The following DIAPH3 variants were observed in gnomAD, a reference collection of about 807,000 sequenced individuals.
DIAPH3 encodes the protein protein diaphanous homolog 3.
In DIAPH3, 117 loss-of-function variants were observed where a neutral mutation model predicts 144.3. The ratio of observed to expected loss-of-function variants is 0.81; its 90% CI spans 0.70 to 0.95. The LOEUF (loss-of-function observed/expected upper bound fraction) is 0.95, where lower values mean the gene tolerates loss of function less well. Ranked by LOEUF, DIAPH3 falls within the 40% of genes least tolerant of loss-of-function variation. The pLI, the probability that DIAPH3 is intolerant of heterozygous loss-of-function variation, is 0.00. For missense variants in DIAPH3, 1,421 were observed against 1,412.7 expected (o/e 1.01, Z -0.09); for synonymous variants, 519 against 488.9 (o/e 1.06, Z -0.81).
intron 3 of DIAPH3, among the ~76,000 whole-genome samples, chr13:60,100,485 C>A (rs2058238068): frequency 6.6e-6 from 1 of 152,080 alleles, no homozygotes; most frequent in Non-Finnish European, 1.5e-5. Context: ...AAAAAAAAGA[C>A]ATGGGTGGGA....
rs1189636674 is a variant in DIAPH3 at position 59,880,995 on chromosome 13, AAAG to A, written c.2368-1530_2368-1528del. On this transcript the variant is annotated intron_variant, in intron 20 of 27. Transcript: ENST00000400324. ...ACAAGGACCAAAAAAAAAAAAAAAA[AAAG>A]AAGAAGAAGAAATATCATTAAGTTT... Among the ~76,000 whole-genome samples the A allele has an allele frequency of 2.0e-3, 305 of 150,680 alleles. 2 individuals are homozygous for A. Among genetic ancestry groups the A allele is most frequent in the Middle Eastern group, 3.4e-3 (1 of 294 alleles).
chr13:60,091,330 G>A (rs940031751), intron 4 of DIAPH3, among the ~76,000 whole-genome samples: 1 of 152,074 alleles, frequency 6.6e-6, no homozygotes, highest in African/African-American at 2.4e-5. Context: ...CATCTCTAGT[G>A]CCTAAAATGC....
intron 1 of DIAPH3, among the ~76,000 whole-genome samples, chr13:60,162,803 T>TCA (rs1459419844): frequency 1.7e-3 from 235 of 138,538 alleles, no homozygotes; most frequent in African/African-American, 5.6e-3. Context: ...TCTCTCTCTC[T>TCA]CTCTCTCACA....
chr13:59,687,602 A>G (rs1566180803), intron 27 of DIAPH3, among the ~76,000 whole-genome samples: 1 of 152,098 alleles, frequency 6.6e-6, no homozygotes, highest in Non-Finnish European at 1.5e-5. Context: ...AAAATCTGAC[A>G]TCTCCTCTTA....
chr13:60,073,090 C>T (rs1467215390), intron 4 of DIAPH3, among the ~76,000 whole-genome samples: 1 of 152,084 alleles, frequency 6.6e-6, no homozygotes, highest in Admixed American at 6.5e-5. Context: ...AGGCAGATCA[C>T]CTGAAGTCAG....
intron 21 of DIAPH3, among the ~76,000 whole-genome samples, chr13:59,865,275 A>C (rs1243939965): frequency 6.6e-6 from 1 of 152,158 alleles, no homozygotes; most frequent in South Asian, 2.1e-4. Flanking sequence ...AAAAAGGCAC[A>C]TTCTACTCCT....
chr13:59,673,114 G>T (rs2032465190), intron 27 of DIAPH3, among the ~76,000 whole-genome samples: 1 of 152,172 alleles, frequency 6.6e-6, no homozygotes, highest in African/African-American at 2.4e-5. Flanking sequence ...CGCAGGCTCT[G>T]TGCACACAAC....
intron 27 of DIAPH3, among the ~76,000 whole-genome samples, chr13:59,682,714 G>A (rs1431116184): frequency 6.6e-6 from 1 of 152,110 alleles, no homozygotes; most frequent in Non-Finnish European, 1.5e-5. Context: ...TCCCTAGTCT[G>A]AATCATTGTC....
intron 3 of DIAPH3, among the ~76,000 whole-genome samples, chr13:60,100,753 AAAAG>A (rs2058246086): frequency 6.6e-6 from 1 of 151,032 alleles, no homozygotes; most frequent in Non-Finnish European, 1.5e-5. Flanking sequence ...TTGGGGTAAA[AAAAG>A]AAAAACAGAA....
At chr13:59,830,076 A>C (rs1333008805) in intron 24 of DIAPH3, among the ~76,000 whole-genome samples, 1 of 151,934 alleles carries the variant, frequency 6.6e-6, no homozygotes, top group Non-Finnish European at 1.5e-5. Context: ...AAAACTCTAC[A>C]TCTTTCTTTA....
intron 7 of DIAPH3, among the ~76,000 whole-genome samples, chr13:60,015,456 C>A (rs2140983360): frequency 6.6e-6 from 1 of 152,270 alleles, no homozygotes; most frequent in South Asian, 2.1e-4. Context: ...TATAAGAAAT[C>A]TTCCTAACTT....
intron 24 of DIAPH3, among the ~76,000 whole-genome samples, chr13:59,821,898 C>A (rs1281201518): frequency 6.6e-6 from 1 of 152,098 alleles, no homozygotes; most frequent in Non-Finnish European, 1.5e-5. Context: ...GGGAAACTAT[C>A]CTTTGAGGAA....
chr13:60,145,290 T>G (rs1594775122), intron 1 of DIAPH3, among the ~76,000 whole-genome samples: 1 of 152,302 alleles, frequency 6.6e-6, no homozygotes, highest in East Asian at 1.9e-4. Flanking sequence ...AATGAAATCT[T>G]AACAAGAAAG....
chr13:59,790,199 C>T (rs968246770), intron 25 of DIAPH3, among the ~76,000 whole-genome samples: 1 of 152,144 alleles, frequency 6.6e-6, no homozygotes, highest in Non-Finnish European at 1.5e-5. Flanking sequence ...TATGAAATTG[C>T]TTAATACTGA....
chr13:59,855,537 G>A (rs2043207648), intron 22 of DIAPH3, among the ~76,000 whole-genome samples: 1 of 151,628 alleles, frequency 6.6e-6, no homozygotes, highest in African/African-American at 2.4e-5. Context: ...ACTAATGTAT[G>A]CTTTAGAATT....
intron 19 of DIAPH3, among the ~76,000 whole-genome samples, chr13:59,913,582 AC>A (rs1236802475): frequency 6.6e-6 from 1 of 152,200 alleles, no homozygotes; most frequent in Non-Finnish European, 1.5e-5. Flanking sequence ...AACTTTGCTT[AC>A]CTTGCTTTAC....
intron 17 of DIAPH3, among the ~76,000 whole-genome samples, chr13:59,943,765 T>C (rs922770351): frequency 6.6e-6 from 1 of 152,206 alleles, no homozygotes; most frequent in Non-Finnish European, 1.5e-5. Flanking sequence ...CAAATTCTGA[T>C]ATTTATTCTA....
intron 3 of DIAPH3, among the ~76,000 whole-genome samples, chr13:60,105,763 A>G (rs2058401232): frequency 6.6e-6 from 1 of 152,164 alleles, no homozygotes; most frequent in Non-Finnish European, 1.5e-5. Flanking sequence ...AATGTTCACG[A>G]TATAGGAAAG....
chr13:59,952,147 C>T (rs749879686), intron 17 of DIAPH3, among the ~76,000 whole-genome samples: 3 of 152,044 alleles, frequency 2.0e-5, no homozygotes, highest in Non-Finnish European at 2.9e-5. Context: ...AAGCCAGATA[C>T]GGTAAGTCAC....
Sources: gnomAD v4.1 joint callset for allele counts (sites outside exome capture counted in the v4.1 genomes callset) on GRCh38, gnomAD v4.1.1 for gene constraint, MANE v1.5 for transcripts, NCBI Gene and HGNC (gene_info 2026-07-23, HGNC 2026-07-21) for gene names.